RBMS1: variants seen among roughly 807,000 people sequenced by gnomAD.
The protein encoded by RBMS1 is RNA-binding motif, single-stranded-interacting protein 1.
RBMS1 carries 17 observed loss-of-function variants against 62.3 expected under a neutral mutation model. The ratio of observed to expected loss-of-function variants is 0.27; its 90% CI spans 0.19 to 0.41. RBMS1 has a LOEUF of 0.41. Ranked by LOEUF, RBMS1 falls within the 10% of genes least tolerant of loss-of-function variation. The pLI is 1.00. For missense variants in RBMS1, 334 were observed against 504.5 expected (o/e 0.66, Z 3.24); for synonymous variants, 172 against 170.0 (o/e 1.01, Z -0.09).
intron 2 of RBMS1, among the ~76,000 whole-genome samples, chr2:160,360,830 C>G (rs907533500): frequency 2.6e-5 from 4 of 152,196 alleles, no homozygotes; most frequent in African/African-American, 9.7e-5. Flanking sequence ...ACTATCCTGT[C>G]TCTCTGCTGA....
intron 1 of RBMS1, among the ~76,000 whole-genome samples, chr2:160,453,679 A>G (rs905491583): frequency 6.6e-6 from 1 of 152,094 alleles, no homozygotes; most frequent in Non-Finnish European, 1.5e-5. Flanking sequence ...CCATGCTTCA[A>G]ACATTTCATG....
chr2:160,448,299 C>A (rs1476580850), intron 1 of RBMS1, among the ~76,000 whole-genome samples: 4 of 150,452 alleles, frequency 2.7e-5, no homozygotes, highest in Admixed American at 6.6e-5. Flanking sequence ...CCCTCCCCCT[C>A]CCCCTCTCCC....
At chr2:160,337,217 TC>T (rs1475973107) in intron 2 of RBMS1, among the ~76,000 whole-genome samples, 1 of 145,852 alleles carries the variant, frequency 6.9e-6, no homozygotes, top group East Asian at 2.2e-4. Flanking sequence ...CAATGCAACC[TC>T]CACCTCCTGG....
chr2:160,413,392 C>T (rs1303725805), intron 1 of RBMS1, among the ~76,000 whole-genome samples: 3 of 152,062 alleles, frequency 2.0e-5, no homozygotes, highest in African/African-American at 7.2e-5. Context: ...CTGTTCTTTC[C>T]TCGTACAAAA....
chr2:160,356,652 T>C (rs1692816531), intron 2 of RBMS1, among the ~76,000 whole-genome samples: 1 of 152,162 alleles, frequency 6.6e-6, no homozygotes, highest in African/African-American at 2.4e-5. Context: ...TCCTCCATGT[T>C]ATGAAGCAGC....
intron 1 of RBMS1, among the ~76,000 whole-genome samples, chr2:160,396,323 T>A (rs1165142431): frequency 6.6e-6 from 1 of 152,152 alleles, no homozygotes; most frequent in African/African-American, 2.4e-5. Flanking sequence ...ATTACAACAG[T>A]AGTTAGAGGG....
chr2:160,309,921 G>T (rs1689755824), intron 4 of RBMS1, among the ~76,000 whole-genome samples: 1 of 152,194 alleles, frequency 6.6e-6, no homozygotes, highest in Non-Finnish European at 1.5e-5. Flanking sequence ...AGGGAAGGGA[G>T]AAGCTTCAGC....
At chr2:160,359,870 T>G (rs1000543596) in intron 2 of RBMS1, among the ~76,000 whole-genome samples, 4 of 152,204 alleles carry the variant, frequency 2.6e-5, no homozygotes, top group Non-Finnish European at 4.4e-5. Context: ...TCAATGGAGA[T>G]GTACAAATAA....
At chr2:160,275,586 T>C (rs1687792031) in intron 13 of RBMS1, 44 bp downstream of exon 13, 1 of 1,602,748 alleles carries the variant, frequency 6.2e-7, no homozygotes. Context: ...CTATAGATTG[T>C]GCTTGATTTG....
At chr2:160,360,210 T>C (rs6730051) in intron 2 of RBMS1, among the ~76,000 whole-genome samples, 114,787 of 152,022 alleles carry the variant, frequency 0.76, 43,960 homozygotes, top group East Asian at 0.83. Flanking sequence ...CACAGGGAGA[T>C]GCTGGAGTTT....
chr2:160,378,054 T>C (rs988213219), intron 1 of RBMS1, among the ~76,000 whole-genome samples: 1 of 152,132 alleles, frequency 6.6e-6, no homozygotes, highest in Non-Finnish European at 1.5e-5. Flanking sequence ...TGCAGCCTCT[T>C]TTATACCTCA....
Position 160,493,688 on chromosome 2 carries a change from C to T in RBMS1, c.-325G>A, listed in dbSNP as rs1685972833. 2.4e-6 allele frequency: 1 copy of T among 410,458 alleles called. No individual in the cohort carries two copies. Among genetic ancestry groups the T allele is most frequent in the Non-Finnish European group, 4.5e-6 (1 of 223,960 alleles). The allele number at this position is 410,458 out of a possible 1,614,324, so 25.4% of individuals were successfully genotyped here. On this transcript the variant is annotated 5_prime_UTR_variant, in exon 1 of 14. Transcript: ENST00000348849. ...CCGGAGCCCGACTGCTCCGGGGCTG[C>T]CAAGGGCTGGCGCGCTGGCCGCGGT...
chr2:160,482,883 A>G (rs1685425851), intron 1 of RBMS1, among the ~76,000 whole-genome samples: 1 of 152,238 alleles, frequency 6.6e-6, no homozygotes, highest in African/African-American at 2.4e-5. Flanking sequence ...CAATGTACTT[A>G]TCTCAACATG....
At chr2:160,287,905 T>C (rs1309446049) in intron 6 of RBMS1, among the ~76,000 whole-genome samples, 2 of 150,746 alleles carry the variant, frequency 1.3e-5, no homozygotes, top group African/African-American at 4.9e-5. Flanking sequence ...TAGATCTGTA[T>C]ATTATTACTA....
chr2:160,309,563 T>C (rs1430634914), intron 4 of RBMS1, among the ~76,000 whole-genome samples: 3 of 152,178 alleles, frequency 2.0e-5, no homozygotes, highest in African/African-American at 4.8e-5. Flanking sequence ...CATTAGATTA[T>C]CAGGAGCTGA....
At chr2:160,491,556 C>T (rs1189861652) in intron 1 of RBMS1, among the ~76,000 whole-genome samples, 1 of 152,186 alleles carries the variant, frequency 6.6e-6, no homozygotes, top group Non-Finnish European at 1.5e-5. Context: ...ATGGTATGGA[C>T]TTGGTTTCTA....
In RBMS1 at chr2:160,320,578, T is replaced by C. The variant is rs1310859813; in HGVS notation, c.252-2351A>G. 5.3e-5 allele frequency among the ~76,000 whole-genome samples: 8 copies of C among 152,264 alleles called. 1 individual carries two copies. In the Middle Eastern group the frequency reaches 0.024, roughly 453 times the overall value. ...TAGCTTGGTGCCATCCTTGTGGTAG[T>C]GAGTTCTTGCTCTATTAGTTCTGGT... On this transcript the variant is annotated intron_variant, in intron 2 of 13. Transcript: ENST00000348849.
At chr2:160,317,847 C>T (rs924480390) in intron 3 of RBMS1, among the ~76,000 whole-genome samples, 2 of 152,188 alleles carry the variant, frequency 1.3e-5, no homozygotes, top group African/African-American at 4.8e-5. Context: ...TCTCCTCAGG[C>T]TCAGGAAAGA....
In RBMS1 at chr2:160,274,487, A is replaced by G. The variant is rs1574192597; in HGVS notation, c.*285T>C. 1 of 148,358 alleles carries G rather than the reference A, an allele frequency of 6.7e-6. No individual in the cohort carries two copies. The highest frequency in any genetic ancestry group is 1.5e-5 in the Non-Finnish European group (1 of 67,050). 9.2% of individuals were successfully genotyped at this position (148,358 alleles called of 1,614,324 possible). A position where few individuals can be genotyped will look rare whatever the true frequency, so the allele number is the denominator to read the frequency against. On this transcript the variant is annotated 3_prime_UTR_variant, in exon 14 of 14. Transcript: ENST00000348849. ...TTTTTTTTTCTTTTTCTTTTTTTGC[A>G]TCATAACATTTGATAAAAATCTTTT...
Sources: allele counts gnomAD v4.1 joint callset (sites outside exome capture counted in the v4.1 genomes callset), GRCh38; gene constraint gnomAD v4.1.1; transcripts MANE v1.5; gene names NCBI Gene and HGNC (gene_info 2026-07-23, HGNC 2026-07-21).